Variants in ECRG4 observed in about 807,000 individuals in gnomAD.
ECRG4 encodes the protein augurin.
Under a neutral mutation model 15.8 loss-of-function variants are expected in ECRG4, and 18 were observed. The observed-to-expected ratio is 1.14, with a 90% CI of 0.79 to 1.69. The LOEUF (loss-of-function observed/expected upper bound fraction) is 1.69. Ranked by LOEUF, ECRG4 falls within the 40% of genes most tolerant of loss-of-function variation. The pLI, the probability that ECRG4 is intolerant of heterozygous loss-of-function variation, is 0.00. For missense variants in ECRG4, 200 were observed against 190.9 expected, an observed-to-expected ratio of 1.05 and a Z score of -0.28; for synonymous variants, 82 against 73.9, an observed-to-expected ratio of 1.11 and a Z score of -0.56.
At chr2:106,063,696 C>A (rs1676147710), upstream of ECRG4, among the ~76,000 whole-genome samples, 1 of 152,190 alleles carries the variant, frequency 6.6e-6, no homozygotes, top group Non-Finnish European at 1.5e-5. Flanking sequence ...GATTCTCCTG[C>A]CTCAGCCTCC....
Position 106,069,140 on chromosome 2 carries a change from TTTCTTTC to T in ECRG4, c.80-2701_80-2695del, listed in dbSNP as rs1471137222. Among the ~76,000 whole-genome samples the T allele has an allele frequency of 1.0e-4, 14 of 135,802 alleles. No homozygotes were observed. The East Asian group carries it at 1.5e-3, about 14-fold the overall frequency. The allele number at this position is 135,802 out of a possible 152,430, so 89.1% of individuals were successfully genotyped here. On this transcript the variant is annotated intron_variant, in intron 1 of 3. Transcript: ENST00000238044. ...TTCTTTCTTCCTTTCTCTTTCTTTC[TTTCTTTC>T]TTTTCTTTCTTTCTTTCTTTCTTTT... is the stretch of plus-strand genomic sequence containing the variant.
intron 1 of ECRG4, among the ~76,000 whole-genome samples, chr2:106,067,059 CGGGGGGGGG>C (rs1171603168): frequency 2.3e-4 from 1 of 4,260 alleles, no homozygotes; most frequent in Non-Finnish European, 4.6e-4. Context: ...TTTGGGAGGC[CGGGGGGGGG>C]GGGGGGGCAG....
At chr2:106,070,398 T>C (rs559447927) in intron 1 of ECRG4, among the ~76,000 whole-genome samples, 2 of 152,260 alleles carry the variant, frequency 1.3e-5, no homozygotes, top group East Asian at 3.9e-4. Flanking sequence ...AGCACTTTAA[T>C]CCAAATGCTA....
intron 1 of ECRG4, among the ~76,000 whole-genome samples, chr2:106,069,395 G>A (rs894176971): frequency 3.9e-4 from 57 of 145,884 alleles, no homozygotes; most frequent in African/African-American, 1.3e-3. Context: ...GTGCAGTGAC[G>A]CTACCTTGGT....
Position 106,077,758 on chromosome 2 carries a change from C to T in ECRG4, c.286-7C>T, listed in dbSNP as rs971214381. ...CATTCTCTATCATTCTCTCTCTTTT[C>T]CTCCAGAAATTTGAAGATGACATCA... On this transcript the variant is annotated splice_region_variant and splice_polypyrimidine_tract_variant and intron_variant, in intron 3 of 3. Coordinates refer to ENST00000238044, the MANE Select transcript of ECRG4 (RefSeq NM_032411.3). 6.2e-7 allele frequency: 1 copy of T among 1,613,234 alleles called. No individual in the cohort carries two copies. Among genetic ancestry groups the T allele is most frequent in the Non-Finnish European group, 8.5e-7 (1 of 1,179,410 alleles).
At chr2:106,073,681 G>A (rs4851111) in intron 2 of ECRG4, 283,485 of 638,590 alleles carry the variant, frequency 0.44, 64,633 homozygotes, top group East Asian at 0.61. Context: ...TTATAGGGTT[G>A]TACCAAATAA....
intron 1 of ECRG4, among the ~76,000 whole-genome samples, chr2:106,071,291 C>CT (rs571819075): frequency 1.7e-3 from 194 of 117,006 alleles, no homozygotes; most frequent in African/African-American, 6.5e-3. Flanking sequence ...ATGATAACAT[C>CT]TTGAGACCCT....
At chr2:106,067,059 C>CGGGGCGGGGGGGGGGGGG in intron 1 of ECRG4, among the ~76,000 whole-genome samples, 1 of 4,260 alleles carries the variant, frequency 2.3e-4, no homozygotes, top group Non-Finnish European at 4.6e-4. Context: ...TTTGGGAGGC[C>CGGGGCGGGGGGGGGGGGG]GGGGGGGGGG....
chr2:106,066,748 C>T (rs544859994), intron 1 of ECRG4, among the ~76,000 whole-genome samples: 1 of 152,108 alleles, frequency 6.6e-6, no homozygotes, highest in East Asian at 1.9e-4. Context: ...GAGGCTCACT[C>T]GGTTGCTCAG....
intron 3 of ECRG4, among the ~76,000 whole-genome samples, chr2:106,076,172 GC>G (rs764324813): frequency 6.6e-6 from 1 of 152,048 alleles, no homozygotes; most frequent in Non-Finnish European, 1.5e-5. Flanking sequence ...AAAAAAATTA[GC>G]CAGGCGTGGT....
intron 1 of ECRG4, among the ~76,000 whole-genome samples, chr2:106,070,411 G>A (rs1413764512): frequency 6.6e-6 from 1 of 152,208 alleles, no homozygotes; most frequent in Non-Finnish European, 1.5e-5. Flanking sequence ...AAATGCTACA[G>A]GAGGCTAGTA....
chr2:106,069,239 TTC>T (rs1196305861), intron 1 of ECRG4, among the ~76,000 whole-genome samples: 3 of 149,988 alleles, frequency 2.0e-5, no homozygotes, highest in Non-Finnish European at 3.0e-5. Context: ...CTTCTTTCTT[TTC>T]TTTCTTTCTT....
intron 1 of ECRG4, among the ~76,000 whole-genome samples, chr2:106,067,205 T>TTGC (rs1676245933): frequency 6.6e-6 from 1 of 151,706 alleles, no homozygotes; most frequent in Non-Finnish European, 1.5e-5. Context: ...GGCAGGAGAA[T>TTGC]TGCTTGAATC....
intron 3 of ECRG4, among the ~76,000 whole-genome samples, chr2:106,075,727 A>G (rs182202038): frequency 6.6e-6 from 1 of 151,950 alleles, no homozygotes; most frequent in African/African-American, 2.4e-5. Context: ...GTCTCAAAAA[A>G]GAAAAAAAAA....
chr2:106,065,352 C>G (rs1344088279), upstream of ECRG4, among the ~76,000 whole-genome samples: 1 of 152,074 alleles, frequency 6.6e-6, no homozygotes, highest in Non-Finnish European at 1.5e-5. Context: ...GGCAAGTCCT[C>G]CCTCTGAGTG....
intron 3 of ECRG4, 128 bp downstream of exon 3, chr2:106,074,171 A>G (rs78969494): frequency 0.051 from 54,042 of 1,067,452 alleles, 1,608 homozygotes; most frequent in Non-Finnish European, 0.061. Flanking sequence ...GAGCCCCATC[A>G]TATGCCAAGT....
chr2:106,065,839 C>T lies in ECRG4; in HGVS notation c.75C>T (p.Gly25=). ...CGCTGCTCCTGCTCCTGTGCTGGGG[C>T]CCAGGTGAGCGGGGCGATGCCAGGC... The part of the protein sequence containing the change: ...GLALLLLLCW[G]PGGISGNKLK... Residue 25 remains glycine, a synonymous_variant, in exon 1 of 4, where the codon GGC becomes GGT. Coordinates refer to ENST00000238044, the MANE Select transcript of ECRG4 (RefSeq NM_032411.3). 1 of 1,480,158 alleles carries T rather than the reference C, an allele frequency of 6.8e-7. No homozygotes were observed. The highest frequency in any genetic ancestry group is 8.9e-7 in the Non-Finnish European group (1 of 1,122,586). 91.7% of individuals were successfully genotyped at this position (1,480,158 alleles called of 1,614,324 possible).
intron 1 of ECRG4, among the ~76,000 whole-genome samples, chr2:106,071,467 G>C (rs931380705): frequency 6.6e-6 from 1 of 152,068 alleles, no homozygotes; most frequent in African/African-American, 2.4e-5. Flanking sequence ...GTTTCTGGTG[G>C]ATAGGGGTTT....
Position 106,065,868 on chromosome 2 carries a change from T to C in ECRG4, c.79+25T>C, listed in dbSNP as rs766744158. Reference sequence around the variant, plus strand: ...GGTGAGCGGGGCGATGCCAGGCTGATTGATAGCGGCACCAGGGGTTGGCCC... The same window carrying C: ...GGTGAGCGGGGCGATGCCAGGCTGACTGATAGCGGCACCAGGGGTTGGCCC... On this transcript the variant is annotated intron_variant, in intron 1 of 3. Coordinates refer to ENST00000238044, the MANE Select transcript of ECRG4 (RefSeq NM_032411.3). 4.1e-6 allele frequency: 6 copies of C among 1,462,628 alleles called. No homozygotes were observed. The South Asian group carries it at 5.4e-5, about 13-fold the overall frequency. 90.6% of individuals were successfully genotyped at this position (1,462,628 alleles called of 1,614,324 possible).
Sources: allele counts gnomAD v4.1 joint callset (sites outside exome capture counted in the v4.1 genomes callset), GRCh38; gene constraint gnomAD v4.1.1; transcripts MANE v1.5; gene names NCBI Gene and HGNC (gene_info 2026-07-23, HGNC 2026-07-21).